The following PCSK6 variants were observed in gnomAD, a reference collection of about 807,000 sequenced individuals.
The protein encoded by PCSK6 is paired basic amino acid cleaving enzyme 4.
A neutral mutation model predicts 123.3 loss-of-function variants in PCSK6; 85 were observed. That is an observed-to-expected ratio of 0.69 (90% CI 0.58 to 0.83). The LOEUF is 0.83. PCSK6 is among the 40% of genes least tolerant of loss of function. The probability of loss-of-function intolerance (pLI) is 0.00; values close to 1 mark genes in which losing one functional copy is unlikely to be tolerated. For missense variants in PCSK6, 1,191 were observed against 1,282.3 expected, an observed-to-expected ratio of 0.93 and a Z score of 1.09; for synonymous variants, 508 against 516.0, an observed-to-expected ratio of 0.98 and a Z score of 0.21.
intron 1 of PCSK6, among the ~76,000 whole-genome samples, chr15:101,483,527 A>G (rs1014845669): frequency 6.6e-6 from 1 of 152,246 alleles, no homozygotes; most frequent in African/African-American, 2.4e-5. Context: ...AGGCAAAGCA[A>G]AAACCCAAGG....
At chr15:101,374,390 C>T (rs1353624171) in intron 11 of PCSK6, among the ~76,000 whole-genome samples, 4 of 152,196 alleles carry the variant, frequency 2.6e-5, no homozygotes, top group African/African-American at 9.7e-5. Flanking sequence ...CTGAAACCCT[C>T]CGCCTCAAGC....
chr15:101,437,175 C>A (rs535697385), intron 2 of PCSK6, among the ~76,000 whole-genome samples: 27 of 152,354 alleles, frequency 1.8e-4, no homozygotes, highest in Admixed American at 1.6e-3. Context: ...TAGACAGAGG[C>A]AGAAAGCAGA....
At chr15:101,428,362 G>A (rs564301214) in intron 5 of PCSK6, among the ~76,000 whole-genome samples, 3 of 152,294 alleles carry the variant, frequency 2.0e-5, no homozygotes, top group Admixed American at 6.5e-5. Context: ...CCTCGGCCTC[G>A]TGTCTCCTGT....
At chr15:101,351,366 A>G (rs968811046) in intron 13 of PCSK6, among the ~76,000 whole-genome samples, 1 of 152,248 alleles carries the variant, frequency 6.6e-6, no homozygotes, top group African/African-American at 2.4e-5. Flanking sequence ...TCAGTATTTG[A>G]AAATTATTTT....
Position 101,362,712 on chromosome 15 carries a change from T to C in PCSK6, c.1858+3484A>G, listed in dbSNP as rs567624399. Reference sequence around the variant, plus strand: ...CACCGCAACCCAGTAACTTGCGTACTATCCCCATTTTCTAGATAAGAAGAC... The same window carrying C: ...CACCGCAACCCAGTAACTTGCGTACCATCCCCATTTTCTAGATAAGAAGAC... On this transcript the variant is annotated intron_variant, in intron 13 of 21. Transcript: ENST00000611716. Among the ~76,000 whole-genome samples, 7 of 152,298 alleles carry C rather than the reference T, an allele frequency of 4.6e-5. No homozygotes were observed. The East Asian group carries it at 1.3e-3, about 29-fold the overall frequency.
chr15:101,467,922 C>T lies in PCSK6; in HGVS notation c.297+21452G>A, dbSNP rs184127933. On this transcript the variant is annotated intron_variant, in intron 1 of 21. Transcript: ENST00000611716. ...CTGGCAGGTGGTAGGGTGCAAGGAACGCGTAGGTAATACTGGTAATAGCCT... is the reference window on the plus strand; with the variant it reads ...CTGGCAGGTGGTAGGGTGCAAGGAATGCGTAGGTAATACTGGTAATAGCCT... Among the ~76,000 whole-genome samples, 231 of 152,266 alleles carry T rather than the reference C, an allele frequency of 1.5e-3. 2 individuals are homozygous for T. The highest frequency in any genetic ancestry group is 5.1e-3 in the African/African-American group (214 of 41,554).
chr15:101,307,350 G>A (rs2039748326), intron 20 of PCSK6, 25 bp from the exon 21 acceptor site: 1 of 1,555,934 alleles, frequency 6.4e-7, no homozygotes, highest in South Asian at 1.1e-5. Flanking sequence ...CGTTCCTGCT[G>A]AAGTCTGGGG....
intron 2 of PCSK6, among the ~76,000 whole-genome samples, chr15:101,434,283 C>G (rs529412020): frequency 5.9e-5 from 9 of 152,360 alleles, no homozygotes; most frequent in African/African-American, 2.2e-4. Flanking sequence ...AGGCTGAGCC[C>G]TGTTTGTGCT....
At chr15:101,427,126 T>G (rs1190696973) in intron 6 of PCSK6, among the ~76,000 whole-genome samples, 1 of 152,086 alleles carries the variant, frequency 6.6e-6, no homozygotes, top group African/African-American at 2.4e-5. Flanking sequence ...ATTCAATACT[T>G]TACTCCAAAG....
intron 6 of PCSK6, among the ~76,000 whole-genome samples, chr15:101,402,995 A>G (rs1318300379): frequency 2.6e-5 from 4 of 152,168 alleles, no homozygotes; most frequent in African/African-American, 9.7e-5. Flanking sequence ...GGCACTATTC[A>G]CAATAGCAAA....
chr15:101,486,022 G>A (rs983730178), intron 1 of PCSK6, among the ~76,000 whole-genome samples: 3 of 142,496 alleles, frequency 2.1e-5, no homozygotes, highest in African/African-American at 8.0e-5. Context: ...GGAGTGCAAT[G>A]GTGCGGTCTC....
At chr15:101,457,975 C>T (rs998059478) in intron 1 of PCSK6, among the ~76,000 whole-genome samples, 4 of 152,196 alleles carry the variant, frequency 2.6e-5, no homozygotes, top group South Asian at 4.1e-4. Flanking sequence ...CCCCTACCAG[C>T]GCTGACATCT....
intron 2 of PCSK6, among the ~76,000 whole-genome samples, 182 bp downstream of exon 2, chr15:101,443,374 T>G (rs1256255350): frequency 6.6e-6 from 1 of 152,228 alleles, no homozygotes; most frequent in Non-Finnish European, 1.5e-5. Context: ...TGCTGAGAGA[T>G]CCTCACTCAC....
At chr15:101,427,265 G>C (rs2056290486) in intron 6 of PCSK6, among the ~76,000 whole-genome samples, 1 of 152,216 alleles carries the variant, frequency 6.6e-6, no homozygotes, top group African/African-American at 2.4e-5. Context: ...TGGTGAATGA[G>C]ACGGGGGACA....
chr15:101,332,019 T>A lies in PCSK6; in HGVS notation c.1871A>T (p.Glu624Val). 6.3e-7 allele frequency: 1 copy of A among 1,593,876 alleles called. No homozygotes were observed. The highest frequency in any genetic ancestry group is 8.6e-7 in the Non-Finnish European group (1 of 1,166,558). ...RNPEKQGKLK[E>V]WSLILYGTAE... Reference sequence around the variant, plus strand: ...TGTGCCATACAGTATGAGGCTCCATTCTTTCAACTTCCCTGGAAGGCACCA... The same window carrying A: ...TGTGCCATACAGTATGAGGCTCCATACTTTCAACTTCCCTGGAAGGCACCA... Residue 624 changes from glutamate (E) to valine (V), a missense_variant, in exon 14 of 22, where the codon GAA (glutamate) becomes GTA (valine). Physicochemically the swap from Glu to Val is moderately radical, Grantham distance 121. Transcript: ENST00000611716.
At chr15:101,311,626 G>A (rs1040588451) in intron 20 of PCSK6, among the ~76,000 whole-genome samples, 1 of 151,204 alleles carries the variant, frequency 6.6e-6, no homozygotes, top group Non-Finnish European at 1.5e-5. Flanking sequence ...GCAGGCTAAC[G>A]CCTGGTACTT....
intron 6 of PCSK6, among the ~76,000 whole-genome samples, chr15:101,425,805 C>T (rs934470901): frequency 2.7e-4 from 41 of 151,304 alleles, no homozygotes; most frequent in Admixed American, 1.9e-3. Flanking sequence ...GTAGAGCTAT[C>T]TAACGGTAAT....
At chr15:101,415,817 C>T (rs1357749338) in intron 6 of PCSK6, among the ~76,000 whole-genome samples, 2 of 152,196 alleles carry the variant, frequency 1.3e-5, no homozygotes, top group East Asian at 3.8e-4. Context: ...CTTTTGCTTC[C>T]TCCTCATTTT....
chr15:101,489,005 C>A (rs1368299589), intron 1 of PCSK6, among the ~76,000 whole-genome samples: 1 of 150,176 alleles, frequency 6.7e-6, no homozygotes, highest in African/African-American at 2.4e-5. Context: ...CGGCGCGCGA[C>A]GCCTGAGGCA....
Sources: allele counts gnomAD v4.1 joint callset (sites outside exome capture counted in the v4.1 genomes callset), GRCh38; gene constraint gnomAD v4.1.1; transcripts MANE v1.5; gene names NCBI Gene and HGNC (gene_info 2026-07-23, HGNC 2026-07-21).